HS3ST3A1: variants seen among roughly 807,000 people sequenced by gnomAD.
HS3ST3A1 encodes the protein heparan sulfate glucosamine 3-O-sulfotransferase 3A1.
In HS3ST3A1, 19 loss-of-function variants were observed where a neutral mutation model predicts 25.7. That is an observed-to-expected ratio of 0.74 (90% CI 0.52 to 1.08). The LOEUF (loss-of-function observed/expected upper bound fraction) is 1.08, where lower values mean the gene tolerates loss of function less well. Among genes scored for constraint, HS3ST3A1 ranks in the 50% least tolerant of loss-of-function variants. The pLI, the probability that HS3ST3A1 is intolerant of heterozygous loss-of-function variation, is 0.00. For synonymous variants in HS3ST3A1, 226 were observed against 278.6 expected, an observed-to-expected ratio of 0.81 and a Z score of 1.88; for missense variants, 459 against 594.3, an observed-to-expected ratio of 0.77 and a Z score of 2.37.
At chr17:13,572,070 T>C (rs1324177993) in intron 1 of HS3ST3A1, among the ~76,000 whole-genome samples, 2 of 152,148 alleles carry the variant, frequency 1.3e-5, no homozygotes, top group Non-Finnish European at 2.9e-5. Flanking sequence ...ATAATGTTTT[T>C]AAAAAACACA....
intron 1 of HS3ST3A1, among the ~76,000 whole-genome samples, chr17:13,588,778 G>T (rs545755788): frequency 1.3e-5 from 2 of 151,948 alleles, no homozygotes; most frequent in African/African-American, 4.8e-5. Context: ...CTGCCTCCCG[G>T]GTTCACGGCA....
intron 1 of HS3ST3A1, among the ~76,000 whole-genome samples, chr17:13,500,201 A>G (rs1483967960): frequency 6.6e-6 from 1 of 152,212 alleles, no homozygotes; most frequent in Non-Finnish European, 1.5e-5. Flanking sequence ...GGAATACTGC[A>G]TTTCAAAATG....
At chr17:13,537,469 T>C (rs1906804868) in intron 1 of HS3ST3A1, among the ~76,000 whole-genome samples, 1 of 152,208 alleles carries the variant, frequency 6.6e-6, no homozygotes, top group Non-Finnish European at 1.5e-5. Context: ...CTTGTCCCCA[T>C]TACTTTGCAC....
At chr17:13,547,188 G>C (rs970847538) in intron 1 of HS3ST3A1, among the ~76,000 whole-genome samples, 1 of 152,086 alleles carries the variant, frequency 6.6e-6, no homozygotes, top group Admixed American at 6.5e-5. Context: ...CTAACACTAT[G>C]TCTTTCCTTT....
In HS3ST3A1 at chr17:13,545,921, G is replaced by T. The variant is rs555965398; in HGVS notation, c.600-49103C>A. Among the ~76,000 whole-genome samples, 109 of 152,096 alleles carry T rather than the reference G, an allele frequency of 7.2e-4. 1 individual carries two copies. Among genetic ancestry groups the T allele is most frequent in the Non-Finnish European group, 1.0e-4 (7 of 68,028 alleles). Reference sequence around the variant, plus strand: ...GAACCCAGGAAGCAGAGGCTGCGGTGAACCGAGATTGTGTCACTGCACTCC... The same window carrying T: ...GAACCCAGGAAGCAGAGGCTGCGGTTAACCGAGATTGTGTCACTGCACTCC... On this transcript the variant is annotated intron_variant, in intron 1 of 1. Transcript: ENST00000284110.
rs187086708 is a variant in HS3ST3A1 at position 13,566,990 on chromosome 17, G to A, written c.599+33541C>T. 2.3e-3 allele frequency among the ~76,000 whole-genome samples: 357 copies of A among 152,334 alleles called. 2 individuals are homozygous for A. The highest frequency in any genetic ancestry group is 6.8e-3 in the Middle Eastern group (2 of 294). On this transcript the variant is annotated intron_variant, in intron 1 of 1. Transcript: ENST00000284110. ...ACAACAGATTTTCCATGTAGACAAC[G>A]TGGAAGATAGAAGAAGATGCCATGT...
chr17:13,597,130 G>A (rs1908598087), intron 1 of HS3ST3A1, among the ~76,000 whole-genome samples: 1 of 152,108 alleles, frequency 6.6e-6, no homozygotes, highest in Non-Finnish European at 1.5e-5. Context: ...GCTAGTGTAA[G>A]AGACTGGATA....
intron 1 of HS3ST3A1, among the ~76,000 whole-genome samples, chr17:13,535,358 G>A (rs1191312021): frequency 7.2e-5 from 11 of 152,146 alleles, no homozygotes; most frequent in African/African-American, 1.7e-4. Context: ...CTTAGGGGCC[G>A]TTTTAAACAG....
chr17:13,500,781 T>A lies in HS3ST3A1; in HGVS notation c.600-3963A>T, dbSNP rs566442704. 7.1e-3 allele frequency among the ~76,000 whole-genome samples: 1,076 copies of A among 152,248 alleles called. 9 individuals are homozygous for A. Among genetic ancestry groups the A allele is most frequent in the Middle Eastern group, 0.065 (19 of 294 alleles). On this transcript the variant is annotated intron_variant, in intron 1 of 1. Coordinates refer to ENST00000284110, the MANE Select transcript of HS3ST3A1 (RefSeq NM_006042.3). ...ATAAGCAGAAATTTCACAAGCGAAT[T>A]AAGAATTATTACAAGGTAGGTTATA...
At chr17:13,498,704 T>C (rs945851499) in intron 1 of HS3ST3A1, among the ~76,000 whole-genome samples, 3 of 152,218 alleles carry the variant, frequency 2.0e-5, no homozygotes, top group Non-Finnish European at 4.4e-5. Context: ...GGTTAGATCA[T>C]ACCCTTTTTG....
intron 1 of HS3ST3A1, among the ~76,000 whole-genome samples, chr17:13,588,344 T>C (rs529284471): frequency 6.6e-6 from 1 of 151,888 alleles, no homozygotes; most frequent in African/African-American, 2.4e-5. Flanking sequence ...TCATAGTGAG[T>C]CTATTCGTGG....
rs1367027558 is a variant in HS3ST3A1 at position 13,601,271 on chromosome 17, G to C, written c.-142C>G. 1 of 599,572 alleles carries C rather than the reference G, an allele frequency of 1.7e-6. No homozygotes were observed. Among genetic ancestry groups the C allele is most frequent in the African/African-American group, 2.0e-5 (1 of 50,580 alleles). 37.1% of individuals were successfully genotyped at this position (599,572 alleles called of 1,614,324 possible). On this transcript the variant is annotated 5_prime_UTR_variant, in exon 1 of 2. Coordinates refer to ENST00000284110, the MANE Select transcript of HS3ST3A1 (RefSeq NM_006042.3). ...CCCCTGTGGCCGTGCGAACTGTCCC[G>C]GGAGGCAGCGGCCGGGGCTCCGCGG... is the stretch of plus-strand genomic sequence containing the variant.
intron 1 of HS3ST3A1, among the ~76,000 whole-genome samples, chr17:13,535,869 C>T (rs186819883): frequency 3.9e-4 from 59 of 152,098 alleles, no homozygotes; most frequent in African/African-American, 1.3e-3. Context: ...TTTTACTGAC[C>T]CATTGGCTAC....
At chr17:13,528,320 G>A (rs1906501631) in intron 1 of HS3ST3A1, among the ~76,000 whole-genome samples, 1 of 152,218 alleles carries the variant, frequency 6.6e-6, no homozygotes, top group Non-Finnish European at 1.5e-5. Context: ...TCACCCTTCA[G>A]GAAAGGACTT....
chr17:13,599,223 G>A (rs1326383287), intron 1 of HS3ST3A1, among the ~76,000 whole-genome samples: 1 of 152,108 alleles, frequency 6.6e-6, no homozygotes, highest in Admixed American at 6.5e-5. Flanking sequence ...CTATATTAAG[G>A]GAAGGTTGTT....
chr17:13,587,368 C>T (rs935370478), intron 1 of HS3ST3A1, among the ~76,000 whole-genome samples: 1 of 152,144 alleles, frequency 6.6e-6, no homozygotes, highest in Non-Finnish European at 1.5e-5. Context: ...GCAGGAGAAT[C>T]GCTTGAACCC....
intron 1 of HS3ST3A1, among the ~76,000 whole-genome samples, chr17:13,545,768 G>T (rs1387163957): frequency 6.6e-6 from 1 of 152,152 alleles, no homozygotes; most frequent in Non-Finnish European, 1.5e-5. Flanking sequence ...CTTGAGGTCA[G>T]GAGTTCGAAA....
At chr17:13,524,464 C>T (rs112538912) in intron 1 of HS3ST3A1, among the ~76,000 whole-genome samples, 130 of 152,034 alleles carry the variant, frequency 8.6e-4, no homozygotes, top group African/African-American at 2.9e-3. Context: ...CACCACGTTG[C>T]CCAGGGGGAG....
chr17:13,502,206 T>C (rs553965328), intron 1 of HS3ST3A1, among the ~76,000 whole-genome samples: 2 of 152,240 alleles, frequency 1.3e-5, no homozygotes, highest in East Asian at 1.9e-4. Context: ...GGAACCACGA[T>C]ACACATGCTA....
Sources: gnomAD v4.1 joint callset for allele counts (sites outside exome capture counted in the v4.1 genomes callset) on GRCh38, gnomAD v4.1.1 for gene constraint, MANE v1.5 for transcripts, NCBI Gene and HGNC (gene_info 2026-07-23, HGNC 2026-07-21) for gene names.